The following GPLD1 variants were observed in gnomAD, a reference collection of about 807,000 sequenced individuals.
GPLD1 encodes glycosylphosphatidylinositol specific phospholipase D1, also known as phosphatidylinositol-glycan-specific phospholipase D.
GPLD1 carries 84 observed loss-of-function variants against 112.6 expected under a neutral mutation model. That is an observed-to-expected ratio of 0.75 (90% CI 0.63 to 0.89). The LOEUF (loss-of-function observed/expected upper bound fraction) is 0.89, where lower values mean the gene tolerates loss of function less well. Ranked by LOEUF, GPLD1 falls within the 40% of genes least tolerant of loss-of-function variation. GPLD1 has a pLI of 0.00. For missense variants in GPLD1, 1,044 were observed against 1,051.5 expected (o/e 0.99, Z 0.10); for synonymous variants, 386 against 403.8 (o/e 0.96, Z 0.53).
chr6:24,492,757 A>G (rs1250600435), upstream of GPLD1, among the ~76,000 whole-genome samples: 2 of 152,130 alleles, frequency 1.3e-5, no homozygotes, highest in African/African-American at 2.4e-5. Context: ...AATTGTTTAC[A>G]CTCTGAATGG....
intron 15 of GPLD1, 26 bp downstream of exon 15, chr6:24,449,763 C>T (rs1763019861): frequency 2.0e-6 from 3 of 1,527,400 alleles, no homozygotes; most frequent in Non-Finnish European, 2.7e-6. Flanking sequence ...CCATTCTCCT[C>T]CAACCCTATC....
chr6:24,488,414 A>G (rs1341707445), intron 1 of GPLD1, among the ~76,000 whole-genome samples: 3 of 149,876 alleles, frequency 2.0e-5, no homozygotes, highest in Non-Finnish European at 4.5e-5. Flanking sequence ...TCCGTCTCAA[A>G]AAAAAAAAAA....
intron 11 of GPLD1, among the ~76,000 whole-genome samples, chr6:24,462,245 G>T (rs547424595): frequency 1.3e-5 from 2 of 152,012 alleles, no homozygotes; most frequent in Non-Finnish European, 2.9e-5. Flanking sequence ...CAATCCTCCC[G>T]CCTCAGCCTC....
In GPLD1 at chr6:24,479,937, G is replaced by T. The variant is rs775147748; in HGVS notation, c.176C>A (p.Ala59Glu). The T allele has an allele frequency of 4.4e-6, 7 of 1,607,340 alleles. No homozygotes were observed. Among genetic ancestry groups the T allele is most frequent in the Non-Finnish European group, 6.0e-6 (7 of 1,173,994 alleles). Residue 59 changes from alanine to glutamate, a missense_variant, in exon 3 of 25, where the codon GCG becomes GAG. Transcript: ENST00000230036. The part of the protein sequence containing the change: ...YRELLLEHQD[A>E]YQAGIVFPDC... The stretch of plus-strand genomic sequence containing the variant: ...AGGAAACACGATTCCAGCCTGATAC[G>T]CATCCTGGTGTTCTAGTAACAGCTG...
intron 20 of GPLD1, among the ~76,000 whole-genome samples, chr6:24,437,890 C>T (rs1418928689): frequency 6.6e-6 from 1 of 152,198 alleles, no homozygotes; most frequent in African/African-American, 2.4e-5. Flanking sequence ...GAAGCCTTTC[C>T]TAATCTCGCT....
intron 1 of GPLD1, chr6:24,494,709 A>G (rs1447203991): frequency 6.5e-6 from 2 of 309,032 alleles, no homozygotes; most frequent in Non-Finnish European, 1.2e-5. Context: ...AGGTGCATCT[A>G]CTGGCGAGCC....
intron 5 of GPLD1, among the ~76,000 whole-genome samples, chr6:24,474,499 CCTT>C (rs926564785): frequency 2.6e-5 from 4 of 152,230 alleles, no homozygotes; most frequent in South Asian, 2.1e-4. Flanking sequence ...GTATTCATAT[CCTT>C]CTTAAGATAT....
chr6:24,482,670 T>G, intron 2 of GPLD1, among the ~76,000 whole-genome samples: 1 of 152,030 alleles, frequency 6.6e-6, no homozygotes. Context: ...GCCAAAAACA[T>G]ATTTTTGGCT....
chr6:24,461,965 G>C lies in GPLD1; in HGVS notation c.887+765C>G, dbSNP rs1212406977. 2.6e-5 allele frequency among the ~76,000 whole-genome samples: 4 copies of C among 152,094 alleles called. No individual in the cohort carries two copies. In the South Asian group the frequency reaches 8.3e-4, roughly 32 times the overall value. On this transcript the variant is annotated intron_variant, in intron 11 of 24. Transcript: ENST00000230036. ...CATAAATGACTGTCGGTTGGTACCT[G>C]ACTCCAGCAGAAAATATCATTTCTT...
At chr6:24,466,565 A>C in intron 10 of GPLD1, 115 bp downstream of exon 10, 1 of 787,020 alleles carries the variant, frequency 1.3e-6, no homozygotes, top group Non-Finnish European at 2.1e-6. Context: ...AAAGCACTTC[A>C]TGAGATTGTT....
upstream of GPLD1, among the ~76,000 whole-genome samples, chr6:24,491,519 CA>C (rs1335792982): frequency 6.6e-6 from 1 of 152,068 alleles, no homozygotes; most frequent in East Asian, 1.9e-4. Flanking sequence ...TGCAACATGG[CA>C]AAATCCCGTC....
intron 1 of GPLD1, chr6:24,494,848 G>C (rs1764650985): frequency 2.2e-6 from 2 of 892,688 alleles, no homozygotes; most frequent in African/African-American, 3.5e-5. Flanking sequence ...AGAGGGCGCT[G>C]CTCTGTGGCT....
intron 17 of GPLD1, 47 bp downstream of exon 17, chr6:24,447,830 G>C (rs895750636): frequency 6.3e-7 from 1 of 1,583,114 alleles, no homozygotes; most frequent in Non-Finnish European, 8.7e-7. Context: ...AGTTGTCGTA[G>C]ACACACAGAG....
chr6:24,443,352 T>G (rs887109857), intron 20 of GPLD1, among the ~76,000 whole-genome samples: 2 of 152,136 alleles, frequency 1.3e-5, no homozygotes, highest in Non-Finnish European at 2.9e-5. Context: ...GCTGCTTAAT[T>G]GATCACAGGT....
At chr6:24,466,166 G>A (rs111692071) in intron 10 of GPLD1, among the ~76,000 whole-genome samples, 2,849 of 152,344 alleles carry the variant, frequency 0.019, 38 homozygotes, top group African/African-American at 0.031. Flanking sequence ...CCAATATGGC[G>A]AAACCTCATC....
chr6:24,439,574 A>G (rs1421810988), intron 20 of GPLD1, among the ~76,000 whole-genome samples: 1 of 152,242 alleles, frequency 6.6e-6, no homozygotes, highest in Non-Finnish European at 1.5e-5. Context: ...CTTCAGAATT[A>G]AAACAGAAGA....
Position 24,456,649 on chromosome 6 carries a change from G to C in GPLD1, c.1009-12C>G, listed in dbSNP as rs753623731. 1 of 1,578,706 alleles carries C rather than the reference G, an allele frequency of 6.3e-7. No individual in the cohort carries two copies. Among genetic ancestry groups the C allele is most frequent in the Non-Finnish European group, 8.7e-7 (1 of 1,152,926 alleles). On this transcript the variant is annotated splice_polypyrimidine_tract_variant and intron_variant, in intron 12 of 24. Transcript: ENST00000230036. ...AAGGACATGGAATCCTGAAATAAAA[G>C]AATCATTATAGACAGTAAAGACACG...
intron 13 of GPLD1, among the ~76,000 whole-genome samples, chr6:24,455,279 TTCGGA>T (rs1444518888): frequency 6.6e-6 from 1 of 152,186 alleles, no homozygotes; most frequent in Non-Finnish European, 1.5e-5. Context: ...CAGGAGGCCT[TTCGGA>T]TCTTTCAGGG....
Position 24,449,773 on chromosome 6 carries a change from C to T in GPLD1, c.1446+16G>A. On this transcript the variant is annotated intron_variant, in intron 15 of 24. Coordinates refer to ENST00000230036, the MANE Select transcript of GPLD1 (RefSeq NM_001503.4). ...CCACCCCATTCTCCTCCAACCCTAT[C>T]CAGCAGCAGCCTTACTTTGTAGGTG... The T allele has an allele frequency of 6.4e-7, 1 of 1,568,942 alleles. No individual in the cohort carries two copies. The highest frequency in any genetic ancestry group is 8.8e-7 in the Non-Finnish European group (1 of 1,141,704).
Sources: allele counts gnomAD v4.1 joint callset (sites outside exome capture counted in the v4.1 genomes callset), GRCh38; gene constraint gnomAD v4.1.1; transcripts MANE v1.5; gene names NCBI Gene and HGNC (gene_info 2026-07-23, HGNC 2026-07-21).